FNDC7: variants seen among roughly 807,000 people sequenced by gnomAD.
FNDC7 encodes fibronectin type III domain-containing protein 7.
Under a neutral mutation model 74.2 loss-of-function variants are expected in FNDC7, and 66 were observed. The observed-to-expected ratio is 0.89, with a 90% confidence interval of 0.73 to 1.09. The LOEUF (loss-of-function observed/expected upper bound fraction) is 1.09. FNDC7 is among the 50% of genes least tolerant of loss of function. The pLI is 0.00. For missense variants in FNDC7, 829 were observed against 893.4 expected, an observed-to-expected ratio of 0.93 and a Z score of 0.92; for synonymous variants, 307 against 330.2, an observed-to-expected ratio of 0.93 and a Z score of 0.76.
intron 11 of FNDC7, among the ~76,000 whole-genome samples, chr1:108,740,526 C>T (rs1466327741): frequency 6.6e-6 from 1 of 152,030 alleles, no homozygotes; most frequent in African/African-American, 2.4e-5. Context: ...TGGGGTTTCA[C>T]TATGTTGGCC....
chr1:108,715,313 A>T (rs1277041921), intron 2 of FNDC7, among the ~76,000 whole-genome samples: 2 of 152,212 alleles, frequency 1.3e-5, no homozygotes, highest in Non-Finnish European at 2.9e-5. Flanking sequence ...TTGGTTGCAC[A>T]TCTAGGGAAT....
intron 9 of FNDC7, among the ~76,000 whole-genome samples, chr1:108,731,452 G>T (rs1291874421): frequency 6.6e-6 from 1 of 152,224 alleles, no homozygotes; most frequent in Admixed American, 6.5e-5. Flanking sequence ...TAAAAGCAGT[G>T]CAAGGTTACC....
intron 6 of FNDC7, 133 bp from the exon 7 acceptor site, chr1:108,727,675 C>G (rs1661248036): frequency 7.5e-6 from 8 of 1,070,846 alleles, no homozygotes; most frequent in African/African-American, 1.5e-5. Context: ...CCTTGACAGA[C>G]CCATAGGGAG....
chr1:108,726,854 C>T (rs970022259), intron 6 of FNDC7, among the ~76,000 whole-genome samples: 1 of 152,042 alleles, frequency 6.6e-6, no homozygotes, highest in African/African-American at 2.4e-5. Context: ...TCATTGGTGC[C>T]TTTGGAATGT....
In FNDC7 at chr1:108,712,999, G is replaced by A. The variant is rs1660903427; in HGVS notation, c.63+3G>A. ...TCATTCTTATCTGTCTTAAAATGGT[G>A]AGTTCATCATTCCAACTACCCACAA... On this transcript the variant is annotated splice_donor_region_variant and intron_variant, in intron 1 of 12. Transcript: ENST00000370017. 1 of 1,550,946 alleles carries A rather than the reference G, an allele frequency of 6.4e-7. No homozygotes were observed. Among genetic ancestry groups the A allele is most frequent in the African/African-American group, 1.4e-5 (1 of 72,984 alleles).
At chr1:108,724,419 G>A (rs1248748498) in intron 5 of FNDC7, among the ~76,000 whole-genome samples, 1 of 151,930 alleles carries the variant, frequency 6.6e-6, no homozygotes, top group Non-Finnish European at 1.5e-5. Flanking sequence ...ATGGGCATAA[G>A]AATGTATTCT....
intron 6 of FNDC7, among the ~76,000 whole-genome samples, chr1:108,727,570 G>T (rs545009296): frequency 8.5e-5 from 13 of 152,160 alleles, no homozygotes; most frequent in East Asian, 1.9e-4. Flanking sequence ...GGCAGGGAGT[G>T]GGGGGAGTAC....
chr1:108,738,341 G>T (rs1661563039), intron 11 of FNDC7, among the ~76,000 whole-genome samples: 1 of 152,164 alleles, frequency 6.6e-6, no homozygotes, highest in Admixed American at 6.5e-5. Flanking sequence ...TATTTTGGTT[G>T]CCCCCACAGA....
In FNDC7 at chr1:108,724,519, C is replaced by T. The variant is rs145969082; in HGVS notation, c.857-1231C>T. On this transcript the variant is annotated intron_variant, in intron 5 of 12. Coordinates refer to ENST00000370017, the MANE Select transcript of FNDC7 (RefSeq NM_001144937.3). The stretch of plus-strand genomic sequence containing the variant: ...CTGTAATCTCAACACTTCAGGAGGC[C>T]GAGATGGGTGGATTGCTTGAGTCCA... 2.8e-4 allele frequency among the ~76,000 whole-genome samples: 42 copies of T among 151,890 alleles called. No individual in the cohort carries two copies. The East Asian group carries it at 7.6e-3, about 27-fold the overall frequency.
chr1:108,722,425 A>G lies in FNDC7; in HGVS notation c.689A>G (p.Asn230Ser), dbSNP rs1227781757. ...FSWARAEGAF[N>S]YTVMALSDSS... ...TGGGCACGGGCAGAAGGAGCTTTCA[A>G]TTATACTGTGATGGCTTTGAGCGAC... is the stretch of plus-strand genomic sequence containing the variant. The change falls in exon 5 of 13, where the codon AAT (asparagine) becomes AGT (serine). Residue 230 changes from asparagine to serine, a missense_variant. By Grantham distance (46) the Asn-to-Ser change is conservative (BLOSUM62 1). Transcript: ENST00000370017. 6.2e-7 allele frequency: 1 copy of G among 1,614,208 alleles called. No individual in the cohort carries two copies. Among genetic ancestry groups the G allele is most frequent in the Non-Finnish European group, 8.5e-7 (1 of 1,180,020 alleles).
rs769616205 is a variant in FNDC7 at position 108,718,968 on chromosome 1, G to A, written c.517G>A (p.Gly173Arg). The change falls in exon 4 of 13, where the codon GGA becomes AGA. Residue 173 changes from glycine to arginine, a missense_variant. Coordinates refer to ENST00000370017, the MANE Select transcript of FNDC7 (RefSeq NM_001144937.3). ...TSLTFTSLEAGTLYTIKAYAW... is the reference protein window; with the variant it reads ...TSLTFTSLEARTLYTIKAYAW... ...CTTGACATTCACCAGTTTAGAAGCC[G>A]GAACTCTCTACACCATAAAGGCCTA... The A allele has an allele frequency of 1.5e-5, 24 of 1,551,850 alleles. No individual in the cohort carries two copies. The highest frequency in any genetic ancestry group is 1.9e-5 in the Non-Finnish European group (22 of 1,147,032).
At chr1:108,729,251 C>G (rs191922085) in intron 8 of FNDC7, among the ~76,000 whole-genome samples, 159 of 152,320 alleles carry the variant, frequency 1.0e-3, no homozygotes, top group Non-Finnish European at 2.0e-3. Context: ...AAATTTTTCT[C>G]TTTAAAAAAT....
intron 10 of FNDC7, chr1:108,734,655 C>T (rs1365649889): frequency 6.6e-6 from 1 of 152,204 alleles, no homozygotes; most frequent in Non-Finnish European, 1.5e-5. Context: ...CTCATTGTCC[C>T]TGGCTGTCAT....
intron 11 of FNDC7, among the ~76,000 whole-genome samples, chr1:108,739,042 G>A (rs952963146): frequency 6.6e-5 from 10 of 152,064 alleles, no homozygotes; most frequent in African/African-American, 1.9e-4. Context: ...AGGTCCCCAG[G>A]GGAGAGGAGT....
rs963477649 is a variant in FNDC7 at position 108,742,044 on chromosome 1, C to T, written c.*157C>T. Reference sequence around the variant, plus strand: ...AGAAGAACAACTCTGACTCTGCTTCCTGAGGGCAAGGTCAGGTGTGTCCTC... The same window carrying T: ...AGAAGAACAACTCTGACTCTGCTTCTTGAGGGCAAGGTCAGGTGTGTCCTC... On this transcript the variant is annotated 3_prime_UTR_variant, in exon 13 of 13. Coordinates refer to ENST00000370017, the MANE Select transcript of FNDC7 (RefSeq NM_001144937.3). 1.2e-4 allele frequency: 64 copies of T among 556,480 alleles called. No individual in the cohort carries two copies. Among genetic ancestry groups the T allele is most frequent in the African/African-American group, 1.1e-3 (60 of 52,866 alleles). The allele number at this position is 556,480 out of a possible 1,614,324, so 34.5% of individuals were successfully genotyped here. A position where few individuals can be genotyped will look rare whatever the true frequency, so the allele number is the denominator to read the frequency against.
In FNDC7 at chr1:108,718,977, T is replaced by TAC. The variant is rs1464014773; in HGVS notation, c.529_530dup (p.Ile178ProfsTer2). ...CACCAGTTTAGAAGCCGGAACTCTC[T>TAC]ACACCATAAAGGCCTATGCATGGAA... On this transcript the variant is annotated frameshift_variant, in exon 4 of 13. Transcript: ENST00000370017. LOFTEE classifies it high-confidence loss of function. 1 of 1,551,932 alleles carries TAC rather than the reference T, an allele frequency of 6.4e-7. No homozygotes were observed. The highest frequency in any genetic ancestry group is 8.7e-7 in the Non-Finnish European group (1 of 1,147,062).
intron 5 of FNDC7, among the ~76,000 whole-genome samples, chr1:108,725,197 C>T (rs1661183452): frequency 6.6e-6 from 1 of 152,178 alleles, no homozygotes; most frequent in Non-Finnish European, 1.5e-5. Context: ...CAGCTCCATT[C>T]CTTCCTACTT....
In FNDC7 at chr1:108,727,929, G is replaced by T; in HGVS notation, c.1233G>T (p.Met411Ile). 3 of 1,614,188 alleles carry T rather than the reference G, an allele frequency of 1.9e-6. No individual in the cohort carries two copies. Among genetic ancestry groups the T allele is most frequent in the Non-Finnish European group, 2.5e-6 (3 of 1,180,028 alleles). The change falls in exon 7 of 13, where the codon ATG becomes ATT. Residue 411 changes from methionine (M) to isoleucine (I), a missense_variant. Coordinates refer to ENST00000370017, the MANE Select transcript of FNDC7 (RefSeq NM_001144937.3). ...CCAAGGCTGTAGATGGGTACAACAT[G>T]GTTGAGTGCAATGACACTACTCCTG... ...YETKAVDGYN[M>I]VECNDTTPAC... is the part of the protein sequence containing the mutation.
chr1:108,730,957 G>A, intron 9 of FNDC7, 29 bp downstream of exon 9: 1 of 1,581,124 alleles, frequency 6.3e-7, no homozygotes, highest in Non-Finnish European at 8.6e-7. Context: ...TAGAGTAGCA[G>A]TAAGGACTTG....
Sources: gnomAD v4.1 joint callset for allele counts (sites outside exome capture counted in the v4.1 genomes callset) on GRCh38, gnomAD v4.1.1 for gene constraint, MANE v1.5 for transcripts, NCBI Gene and HGNC (gene_info 2026-07-23, HGNC 2026-07-21) for gene names.